Variants in TRHDE observed in about 807,000 individuals in gnomAD.
TRHDE encodes the protein thyrotropin-releasing hormone-degrading ectoenzyme.
TRHDE carries 72 observed loss-of-function variants against 125.7 expected under a neutral mutation model. That is an observed-to-expected ratio of 0.57 (90% confidence interval 0.47 to 0.70). The LOEUF is 0.70. TRHDE is among the 30% of genes least tolerant of loss of function. The probability of loss-of-function intolerance (pLI) is 0.00; values close to 1 mark genes in which losing one functional copy is unlikely to be tolerated. For synonymous variants in TRHDE, 509 were observed against 509.1 expected (o/e 1.00, Z 0.00); for missense variants, 1,110 against 1,327.1 (o/e 0.84, Z 2.54).
chr12:72,427,315 C>T (rs534306188), intron 3 of TRHDE, among the ~76,000 whole-genome samples: 3 of 152,048 alleles, frequency 2.0e-5, no homozygotes, highest in Admixed American at 2.0e-4. Context: ...TTTCTTCTCC[C>T]CTAGAACTCT....
At chr12:72,496,739 G>C (rs1877935744) in intron 5 of TRHDE, among the ~76,000 whole-genome samples, 1 of 152,064 alleles carries the variant, frequency 6.6e-6, no homozygotes, top group African/African-American at 2.4e-5. Flanking sequence ...ATTAAAGCTA[G>C]GATTTCTTTA....
chr12:72,166,318 TACAC>T (rs149341584), intron 2 of TRHDE, among the ~76,000 whole-genome samples: 1 of 151,846 alleles, frequency 6.6e-6, no homozygotes, highest in African/African-American at 2.4e-5. Flanking sequence ...TATATATATA[TACAC>T]ACACACACAT....
At chr12:72,559,925 C>A (rs887698919) in intron 7 of TRHDE, among the ~76,000 whole-genome samples, 5 of 152,162 alleles carry the variant, frequency 3.3e-5, no homozygotes, top group African/African-American at 7.2e-5. Flanking sequence ...TTCTCAGTAA[C>A]CTTTTCTTCA....
At chr12:72,157,631 G>A (rs1332154948) in intron 2 of TRHDE, among the ~76,000 whole-genome samples, 1 of 152,186 alleles carries the variant, frequency 6.6e-6, no homozygotes, top group East Asian at 1.9e-4. Context: ...CCTGGTGAAT[G>A]GTGGTGCTAG....
At chr12:72,504,458 C>T (rs943127809) in intron 6 of TRHDE, among the ~76,000 whole-genome samples, 1 of 152,094 alleles carries the variant, frequency 6.6e-6, no homozygotes, top group African/African-American at 2.4e-5. Flanking sequence ...TGCCCACCAC[C>T]ACGACTGGCT....
intron 2 of TRHDE, among the ~76,000 whole-genome samples, chr12:72,177,925 C>T (rs1877022005): frequency 6.6e-6 from 1 of 152,190 alleles, no homozygotes; most frequent in Admixed American, 6.5e-5. Flanking sequence ...TCAAAGTAAT[C>T]TCCAAGATAC....
chr12:72,596,552 A>G (rs1871948683), intron 12 of TRHDE, among the ~76,000 whole-genome samples: 1 of 152,196 alleles, frequency 6.6e-6, no homozygotes, highest in African/African-American at 2.4e-5. Context: ...GTCTAAAATA[A>G]TATTGGGTGG....
At chr12:72,223,320 G>T (rs970873332) in intron 2 of TRHDE, among the ~76,000 whole-genome samples, 2 of 152,090 alleles carry the variant, frequency 1.3e-5, no homozygotes, top group East Asian at 3.9e-4. Flanking sequence ...GACATCTGGA[G>T]ATTTATTTTT....
intron 2 of TRHDE, among the ~76,000 whole-genome samples, chr12:72,354,224 A>G (rs1286324259): frequency 6.6e-6 from 1 of 151,732 alleles, no homozygotes; most frequent in Non-Finnish European, 1.5e-5. Flanking sequence ...AATCTAAAAT[A>G]CACACAAAAT....
chr12:72,647,760 G>A (rs1232090693), intron 15 of TRHDE, among the ~76,000 whole-genome samples: 2 of 152,088 alleles, frequency 1.3e-5, no homozygotes, highest in Non-Finnish European at 2.9e-5. Flanking sequence ...TAACTGGGAT[G>A]GAGATTGAAT....
rs539391798 is a variant in TRHDE, at chr12:72,464,214, G to A, written c.1316-5544G>A. On this transcript the variant is annotated intron_variant, in intron 3 of 18. Transcript: ENST00000261180. ...TCTGGGCATGTGGGTGGTGATGGAT[G>A]ATGTTAAAGTGGATGAAAACACTCA... Among the ~76,000 whole-genome samples, 8 of 152,334 alleles carry A rather than the reference G, an allele frequency of 5.3e-5. No homozygotes were observed. In the South Asian group the frequency reaches 1.7e-3, roughly 32 times the overall value.
chr12:72,266,828 C>T (rs952798580), intron 2 of TRHDE, among the ~76,000 whole-genome samples: 14 of 151,956 alleles, frequency 9.2e-5, no homozygotes, highest in Admixed American at 7.2e-4. Context: ...ATGACTCTGG[C>T]CAAGATATTT....
chr12:72,379,009 C>T (rs578154873), intron 3 of TRHDE, among the ~76,000 whole-genome samples: 27 of 152,284 alleles, frequency 1.8e-4, no homozygotes, highest in Non-Finnish European at 3.8e-4. Flanking sequence ...CCTCTCTTCC[C>T]TCCTCTTCCC....
At chr12:72,275,646 T>C (rs10784960) in intron 1 of TRHDE, among the ~76,000 whole-genome samples, 102,400 of 152,004 alleles carry the variant, frequency 0.67, 34,641 homozygotes, top group East Asian at 0.83. Flanking sequence ...TTTTGAAAAA[T>C]CCTGTTTTTT....
chr12:72,591,001 A>G (rs1315607280), intron 12 of TRHDE, among the ~76,000 whole-genome samples: 3 of 152,212 alleles, frequency 2.0e-5, no homozygotes. Flanking sequence ...TAATCAACTC[A>G]CAGTTTCACA....
At position 72,656,944 on chromosome 12, in the gene TRHDE, T is replaced by C; in HGVS notation, c.3002T>C (p.Phe1001Ser). 1 of 1,610,018 alleles carries C rather than the reference T, an allele frequency of 6.2e-7. No homozygotes were observed. Among genetic ancestry groups the C allele is most frequent in the Non-Finnish European group, 8.5e-7 (1 of 1,177,220 alleles). Reference sequence around the variant, plus strand: ...CTTTTGAGGTATGGAGAAGCATTGTTTATGAATTCCAAACTCATCAGTGGT... The same window carrying C: ...CTTTTGAGGTATGGAGAAGCATTGTCTATGAATTCCAAACTCATCAGTGGT... ...ILNTRYGEAL[F>S]MNSKLISGVT... Residue 1001 changes from phenylalanine to serine, a missense_variant, in exon 18 of 19, where the codon TTT becomes TCT. Transcript: ENST00000261180.
intron 15 of TRHDE, among the ~76,000 whole-genome samples, chr12:72,643,930 T>A (rs1874174165): frequency 6.6e-6 from 1 of 152,148 alleles, no homozygotes; most frequent in African/African-American, 2.4e-5. Flanking sequence ...CTCAGAAGAT[T>A]ATATGCTGGA....
At chr12:72,605,886 T>C (rs1228917845) in intron 12 of TRHDE, among the ~76,000 whole-genome samples, 3 of 151,060 alleles carry the variant, frequency 2.0e-5, no homozygotes, top group Non-Finnish European at 2.9e-5. Context: ...GTAAGAAATA[T>C]GGATGACTGT....
At chr12:72,548,724 T>G (rs959683397) in intron 7 of TRHDE, among the ~76,000 whole-genome samples, 1 of 151,756 alleles carries the variant, frequency 6.6e-6, no homozygotes, top group African/African-American at 2.4e-5. Flanking sequence ...TCACATAAAA[T>G]TGATTGGCTA....
Sources: allele counts gnomAD v4.1 joint callset (sites outside exome capture counted in the v4.1 genomes callset), GRCh38; gene constraint gnomAD v4.1.1; transcripts MANE v1.5; gene names NCBI Gene and HGNC (gene_info 2026-07-23, HGNC 2026-07-21).